RBPJ: variants seen among roughly 807,000 people sequenced by gnomAD.
RBPJ encodes the protein recombining binding protein suppressor of hairless.
In RBPJ, 9 loss-of-function variants were observed where a neutral mutation model predicts 67.8. The observed-to-expected ratio is 0.13, with a 90% confidence interval of 0.08 to 0.23. RBPJ has a LOEUF of 0.23. Among genes scored for constraint, RBPJ ranks in the 10% least tolerant of loss-of-function variants. RBPJ has a pLI of 1.00. For synonymous variants in RBPJ, 198 were observed against 203.3 expected, an observed-to-expected ratio of 0.97 and a Z score of 0.22; for missense variants, 305 against 595.6, an observed-to-expected ratio of 0.51 and a Z score of 5.08.
At chr4:26,109,790 A>T in the RBPJ span, among the ~76,000 whole-genome samples, 1 of 150,532 alleles carries the variant, frequency 6.6e-6, no homozygotes, top group South Asian at 2.1e-4. Flanking sequence ...AAAACGATTA[A>T]AGTTGAAGCA....
chr4:26,398,337 G>A (rs1732373263), intron 2 of RBPJ, among the ~76,000 whole-genome samples: 1 of 152,130 alleles, frequency 6.6e-6, no homozygotes, highest in African/African-American at 2.4e-5. Context: ...TAAGAGTGTG[G>A]TGAGAAAGTG....
At chr4:26,279,204 T>G (rs947763400) in intron 1 of RBPJ, among the ~76,000 whole-genome samples, 1 of 152,172 alleles carries the variant, frequency 6.6e-6, no homozygotes, top group Non-Finnish European at 1.5e-5. Flanking sequence ...TTCAATCCAG[T>G]TGGGCAGAAG....
intron 1 of RBPJ, among the ~76,000 whole-genome samples, chr4:26,282,132 CTCTCTTTT>C (rs1385922653): frequency 1.3e-5 from 1 of 74,502 alleles, no homozygotes; most frequent in East Asian, 6.1e-4. Context: ...TCCTCTCTCT[CTCTCTTTT>C]TTTTTTTTTT....
chr4:26,288,289 A>T (rs1445843688), intron 1 of RBPJ, among the ~76,000 whole-genome samples: 1 of 152,226 alleles, frequency 6.6e-6, no homozygotes, highest in East Asian at 1.9e-4. Flanking sequence ...GGCTGGACAT[A>T]CAGTCTTCTG....
At chr4:26,343,335 G>A (rs1313491560) in intron 1 of RBPJ, 1 of 152,186 alleles carries the variant, frequency 6.6e-6, no homozygotes, top group South Asian at 2.1e-4. Flanking sequence ...TGTAAGATAT[G>A]TTATAGACGT....
At chr4:26,369,991 C>G (rs1455040604) in intron 1 of RBPJ, among the ~76,000 whole-genome samples, 1 of 152,132 alleles carries the variant, frequency 6.6e-6, no homozygotes, top group African/African-American at 2.4e-5. Flanking sequence ...AGTCAGCGAA[C>G]TGGGCAGGTC....
chr4:26,276,272 CAAA>C (rs767611317), intron 1 of RBPJ, among the ~76,000 whole-genome samples: 7 of 64,338 alleles, frequency 1.1e-4, no homozygotes, highest in Admixed American at 1.8e-4. Context: ...GACTCCATCT[CAAA>C]AAAAAAAAAA....
chr4:26,261,833 T>C (rs1720549015), intron 1 of RBPJ, among the ~76,000 whole-genome samples: 1 of 152,276 alleles, frequency 6.6e-6, no homozygotes, highest in Non-Finnish European at 1.5e-5. Flanking sequence ...ATGTGTTTAA[T>C]TGATTTGCCA....
chr4:26,227,580 T>C (rs1439889070), intron 1 of RBPJ, among the ~76,000 whole-genome samples: 3 of 152,164 alleles, frequency 2.0e-5, no homozygotes, highest in Non-Finnish European at 4.4e-5. Flanking sequence ...TGAGTGGAGA[T>C]GAGTTTTGCA....
rs115630084 is a variant in RBPJ, at chr4:26,278,717, T to C, written c.-166-83729T>C. ...CTGAAATAACACTCAAAAATCTCTT[T>C]TGCCCCTTTACAAGTCTTTATAATT... On this transcript the variant is annotated intron_variant, in intron 1 of 4. Transcript: ENST00000512351. Among the ~76,000 whole-genome samples the C allele has an allele frequency of 1.5e-3, 234 of 152,324 alleles. 3 individuals are homozygous for C. Among genetic ancestry groups the C allele is most frequent in the African/African-American group, 5.2e-3 (215 of 41,556 alleles).
chr4:26,364,279 C>G (rs1247300178), intron 1 of RBPJ, among the ~76,000 whole-genome samples: 2 of 152,170 alleles, frequency 1.3e-5, no homozygotes, highest in Non-Finnish European at 2.9e-5. Context: ...ATATTAAACT[C>G]TAGTCTATAA....
intron 1 of RBPJ, among the ~76,000 whole-genome samples, chr4:26,191,208 TATAGAGAG>T (rs1389590557): frequency 0.022 from 600 of 27,202 alleles, 4 homozygotes; most frequent in East Asian, 0.051. Context: ...TATATATATA[TATAGAGAG>T]AGAGAGAGAG....
chr4:26,163,615 G>T lies in RBPJ; in HGVS notation c.-167+1G>T, dbSNP rs2109108596. 6.6e-6 allele frequency: 1 copy of T among 152,304 alleles called. No individual in the cohort carries two copies. The highest frequency in any genetic ancestry group is 2.4e-5 in the African/African-American group (1 of 41,564). The allele number at this position is 152,304 out of a possible 1,614,324, so 9.4% of individuals were successfully genotyped here. A position where few individuals can be genotyped will look rare whatever the true frequency, so the allele number is the denominator to read the frequency against. On this transcript the variant is annotated splice_donor_variant, in intron 1 of 4. Transcript: ENST00000512351. LOFTEE classifies it low-confidence loss of function (5UTR_SPLICE). ...GACTGCTCTATCCAGCATCATTGAG[G>T]TAAGTGAATTCTCTAATGAGTTATT...
intron 1 of RBPJ, among the ~76,000 whole-genome samples, chr4:26,369,727 G>GAT (rs1207241905): frequency 1.3e-5 from 2 of 152,084 alleles, no homozygotes; most frequent in African/African-American, 4.8e-5. Flanking sequence ...ATGGTCACTA[G>GAT]ATACTCCATT....
chr4:26,201,793 C>A (rs1311331698), intron 1 of RBPJ, among the ~76,000 whole-genome samples: 1 of 152,194 alleles, frequency 6.6e-6, no homozygotes, highest in Admixed American at 6.5e-5. Flanking sequence ...GTTGCCAAAT[C>A]CCAGAAGTTT....
upstream of RBPJ, among the ~76,000 whole-genome samples, chr4:26,316,378 TATATATACATTC>T (rs1167035748): frequency 1.4e-4 from 21 of 145,784 alleles, no homozygotes; most frequent in East Asian, 2.0e-4. Flanking sequence ...TATACATTCA[TATATATACATTC>T]ATATATACAT....
the RBPJ span, among the ~76,000 whole-genome samples, chr4:26,131,827 T>C: frequency 6.6e-6 from 1 of 152,196 alleles, no homozygotes; most frequent in Non-Finnish European, 1.5e-5. Flanking sequence ...CCACCCCATT[T>C]GTGGTTGTTT....
the RBPJ span, among the ~76,000 whole-genome samples, chr4:26,149,851 T>A: frequency 1.3e-5 from 2 of 152,224 alleles, no homozygotes; most frequent in Non-Finnish European, 2.9e-5. Flanking sequence ...TTCTCCTCCA[T>A]CAACTTTCTT....
At chr4:26,218,792 C>T (rs998017712) in intron 1 of RBPJ, among the ~76,000 whole-genome samples, 1 of 152,084 alleles carries the variant, frequency 6.6e-6, no homozygotes, top group African/African-American at 2.4e-5. Context: ...TGCTCAGAGC[C>T]TGGAATAGCA....
Sources: gnomAD v4.1 joint callset for allele counts (sites outside exome capture counted in the v4.1 genomes callset) on GRCh38, gnomAD v4.1.1 for gene constraint, MANE v1.5 for transcripts, NCBI Gene and HGNC (gene_info 2026-07-23, HGNC 2026-07-21) for gene names.